Variants in SAMD12 observed in about 807,000 individuals in gnomAD.
The protein encoded by SAMD12 is sterile alpha motif domain containing 12, also known as sterile alpha motif domain-containing protein 12.
A neutral mutation model predicts 15.0 loss-of-function variants in SAMD12; 9 were observed. That is an observed-to-expected ratio of 0.60 (90% CI 0.36 to 1.05). SAMD12 has a LOEUF of 1.05. SAMD12 is among the 50% of genes least tolerant of loss of function. The pLI is 0.01. For synonymous variants in SAMD12, 86 were observed against 90.1 expected, an observed-to-expected ratio of 0.96 and a Z score of 0.25; for missense variants, 230 against 234.2, an observed-to-expected ratio of 0.98 and a Z score of 0.12.
the SAMD12 span, among the ~76,000 whole-genome samples, chr8:118,168,508 A>G: frequency 6.6e-6 from 1 of 152,172 alleles, no homozygotes; most frequent in Non-Finnish European, 1.5e-5. Flanking sequence ...TATAGCAACA[A>G]CCAAAGCTTC....
chr8:118,346,893 C>T (rs1817690070), intron 4 of SAMD12, among the ~76,000 whole-genome samples: 1 of 152,154 alleles, frequency 6.6e-6, no homozygotes, highest in African/African-American at 2.4e-5. Flanking sequence ...TCATCAGAGA[C>T]TCAGTGGCCA....
chr8:118,322,282 TG>T (rs2130458577), intron 4 of SAMD12, among the ~76,000 whole-genome samples: 1 of 152,368 alleles, frequency 6.6e-6, no homozygotes, highest in South Asian at 2.1e-4. Context: ...TTCTTATGTC[TG>T]TAGTGGGCTC....
At chr8:118,270,125 A>G (rs1366439626) in intron 4 of SAMD12, among the ~76,000 whole-genome samples, 1 of 152,196 alleles carries the variant, frequency 6.6e-6, no homozygotes, top group East Asian at 1.9e-4. Flanking sequence ...CTGCTTCACA[A>G]TTCCTATGAA....
chr8:118,377,351 T>C (rs1359795560), downstream of SAMD12, among the ~76,000 whole-genome samples: 4 of 152,144 alleles, frequency 2.6e-5, no homozygotes, highest in South Asian at 2.1e-4. Context: ...TGAGCCAAGA[T>C]TGCGCCACTG....
the SAMD12 span, among the ~76,000 whole-genome samples, chr8:118,168,581 A>AT: frequency 6.6e-6 from 1 of 151,994 alleles, no homozygotes; most frequent in Non-Finnish European, 1.5e-5. Context: ...TTCCCGGAAT[A>AT]TTTTTCAGTC....
At chr8:118,534,801 T>C (rs1825792453) in intron 2 of SAMD12, among the ~76,000 whole-genome samples, 1 of 152,236 alleles carries the variant, frequency 6.6e-6, no homozygotes, top group Non-Finnish European at 1.5e-5. Flanking sequence ...CATCAGGTCA[T>C]TTAAGCTCTT....
chr8:118,550,357 G>T (rs1017451240), intron 2 of SAMD12, among the ~76,000 whole-genome samples: 57 of 152,220 alleles, frequency 3.7e-4, no homozygotes, highest in African/African-American at 1.4e-3. Context: ...AGCCAAAAGA[G>T]AGTGGGGGCC....
chr8:118,177,486 C>A, the SAMD12 span, among the ~76,000 whole-genome samples: 1 of 152,018 alleles, frequency 6.6e-6, no homozygotes, highest in Non-Finnish European at 1.5e-5. Flanking sequence ...TCAAGCAATT[C>A]TTGTGCCTCA....
At chr8:118,582,842 C>T (rs1035704605) in intron 1 of SAMD12, among the ~76,000 whole-genome samples, 4 of 150,812 alleles carry the variant, frequency 2.7e-5, no homozygotes, top group Non-Finnish European at 5.9e-5. Context: ...ACAAGAAGTC[C>T]AGTGATGGCA....
intron 4 of SAMD12, among the ~76,000 whole-genome samples, chr8:118,349,026 T>A (rs1480425299): frequency 6.6e-6 from 1 of 152,210 alleles, no homozygotes; most frequent in Non-Finnish European, 1.5e-5. Flanking sequence ...AGAGCAAGAC[T>A]CTAAACAGCC....
rs180878109 is a variant in SAMD12, at chr8:118,584,620, T to C, written c.14-3727A>G. On this transcript the variant is annotated intron_variant, in intron 1 of 3. Transcript: ENST00000314727. ...TTACTTAATTTGAATGTCATTAATA[T>C]TGAATTCTTCAAAATGAAGAGTTAA... 3.2e-4 allele frequency among the ~76,000 whole-genome samples: 48 copies of C among 152,272 alleles called. 2 individuals are homozygous for C. Among genetic ancestry groups the C allele is most frequent in the Admixed American group, 2.1e-3 (32 of 15,294 alleles).
At chr8:118,593,013 G>T (rs1019385486) in intron 1 of SAMD12, among the ~76,000 whole-genome samples, 4 of 152,116 alleles carry the variant, frequency 2.6e-5, no homozygotes, top group Non-Finnish European at 4.4e-5. Context: ...ATATTAGCAG[G>T]CAATTTTGTT....
At chr8:118,375,914 G>A (rs1483948185), downstream of SAMD12, 2 of 152,102 alleles carry the variant, frequency 1.3e-5, no homozygotes, top group Non-Finnish European at 1.5e-5. Flanking sequence ...GGCAAATGTA[G>A]CATACTATAC....
downstream of SAMD12, chr8:118,375,589 C>T (rs1055268030): frequency 6.6e-6 from 1 of 152,132 alleles, no homozygotes; most frequent in African/African-American, 2.4e-5. Flanking sequence ...CATATCTTAG[C>T]TCCCTTAATT....
At chr8:118,514,450 T>C (rs1339732490) in intron 2 of SAMD12, among the ~76,000 whole-genome samples, 1 of 152,200 alleles carries the variant, frequency 6.6e-6, no homozygotes. Context: ...GAGCACTATC[T>C]GTAAGTCAGA....
chr8:118,527,187 T>C (rs1825557758), intron 2 of SAMD12, among the ~76,000 whole-genome samples: 1 of 152,218 alleles, frequency 6.6e-6, no homozygotes, highest in Admixed American at 6.5e-5. Flanking sequence ...AGCCTCATAA[T>C]TGGCCTCTGT....
intron 4 of SAMD12, among the ~76,000 whole-genome samples, chr8:118,324,694 G>A (rs1816477500): frequency 6.6e-6 from 1 of 152,194 alleles, no homozygotes; most frequent in Admixed American, 6.5e-5. Flanking sequence ...AGACAAATGG[G>A]TAGAAAGAAG....
At chr8:118,382,312 G>T (rs908971843) in intron 3 of SAMD12, among the ~76,000 whole-genome samples, 7 of 152,164 alleles carry the variant, frequency 4.6e-5, no homozygotes, top group African/African-American at 1.4e-4. Flanking sequence ...TAAGACACAT[G>T]GCTGCTTTTG....
intron 2 of SAMD12, among the ~76,000 whole-genome samples, chr8:118,445,986 C>T (rs560687869): frequency 2.4e-4 from 36 of 152,186 alleles, no homozygotes; most frequent in African/African-American, 7.0e-4. Flanking sequence ...ACAACGAAAA[C>T]GGAATGGATT....
Sources: allele counts gnomAD v4.1 joint callset (sites outside exome capture counted in the v4.1 genomes callset), GRCh38; gene constraint gnomAD v4.1.1; transcripts MANE v1.5; gene names NCBI Gene and HGNC (gene_info 2026-07-23, HGNC 2026-07-21).